The following DLG2 variants were observed in gnomAD, a reference collection of about 807,000 sequenced individuals.
The protein encoded by DLG2 is disks large homolog 2.
Under a neutral mutation model 132.5 loss-of-function variants are expected in DLG2, and 45 were observed. The ratio of observed to expected loss-of-function variants is 0.34; its 90% CI spans 0.27 to 0.44. The LOEUF is 0.44. Among genes scored for constraint, DLG2 ranks in the 20% least tolerant of loss-of-function variants. DLG2 has a pLI of 1.00. For synonymous variants in DLG2, 424 were observed against 419.6 expected (o/e 1.01, Z -0.13); for missense variants, 1,045 against 1,196.9 (o/e 0.87, Z 1.87).
intron 6 of DLG2, among the ~76,000 whole-genome samples, chr11:84,651,357 A>G (rs2099681844): frequency 6.6e-6 from 1 of 152,134 alleles, no homozygotes; most frequent in Admixed American, 6.6e-5. Flanking sequence ...TCCTGTTGTT[A>G]TGTAGTATTT....
At chr11:83,724,276 A>C (rs1365220276) in intron 18 of DLG2, among the ~76,000 whole-genome samples, 5 of 152,158 alleles carry the variant, frequency 3.3e-5, no homozygotes, top group Middle Eastern at 3.2e-3. Flanking sequence ...GTTCTTTCAC[A>C]CACATAAGCC....
At chr11:85,377,076 G>A (rs914996466) in intron 3 of DLG2, among the ~76,000 whole-genome samples, 4 of 152,138 alleles carry the variant, frequency 2.6e-5, no homozygotes, top group African/African-American at 9.7e-5. Context: ...ACATAGCCAA[G>A]GTCATGTAAG....
At chr11:83,640,222 C>T (rs545087628) in intron 18 of DLG2, among the ~76,000 whole-genome samples, 3 of 152,168 alleles carry the variant, frequency 2.0e-5, no homozygotes, top group Non-Finnish European at 4.4e-5. Flanking sequence ...AGACCACCTG[C>T]TGTACACACG....
chr11:83,644,987 T>C (rs1365721704), intron 18 of DLG2, among the ~76,000 whole-genome samples: 1 of 152,122 alleles, frequency 6.6e-6, no homozygotes, highest in Non-Finnish European at 1.5e-5. Context: ...GTCCCCAGTA[T>C]TATGATGGAA....
intron 14 of DLG2, among the ~76,000 whole-genome samples, chr11:83,940,750 G>A (rs949334054): frequency 2.6e-5 from 4 of 152,238 alleles, no homozygotes; most frequent in South Asian, 4.1e-4. Context: ...ATTCAAGTCC[G>A]GCCCTATTCC....
chr11:84,772,671 T>C (rs990067775), intron 6 of DLG2, among the ~76,000 whole-genome samples: 2 of 151,956 alleles, frequency 1.3e-5, no homozygotes, highest in Non-Finnish European at 2.9e-5. Context: ...TACATGGAAA[T>C]TAAACAAGTC....
At chr11:84,882,326 A>G (rs1263857154) in intron 6 of DLG2, among the ~76,000 whole-genome samples, 1 of 150,664 alleles carries the variant, frequency 6.6e-6, no homozygotes, top group African/African-American at 2.4e-5. Flanking sequence ...GGCAAAAAAG[A>G]AAAAAAAATG....
chr11:84,983,131 C>A (rs1185403005), intron 6 of DLG2, among the ~76,000 whole-genome samples: 2 of 152,122 alleles, frequency 1.3e-5, no homozygotes, highest in Non-Finnish European at 2.9e-5. Flanking sequence ...ATGGACAGAG[C>A]AGTGTGTGGA....
At chr11:84,394,877 C>T (rs1396237780) in intron 7 of DLG2, among the ~76,000 whole-genome samples, 2 of 152,176 alleles carry the variant, frequency 1.3e-5, no homozygotes, top group Admixed American at 1.3e-4. Flanking sequence ...ACTTTGGCCT[C>T]CCAAAGTGCT....
intron 18 of DLG2, among the ~76,000 whole-genome samples, chr11:83,671,735 T>C (rs1477523922): frequency 5.9e-5 from 9 of 152,334 alleles, no homozygotes; most frequent in Admixed American, 5.2e-4. Context: ...ATTTCATCCA[T>C]GCCTATGTCA....
intron 6 of DLG2, among the ~76,000 whole-genome samples, chr11:85,020,228 G>C (rs113786600): frequency 6.6e-6 from 1 of 152,142 alleles, no homozygotes. Context: ...GTAATGATGA[G>C]CATTTTTTCA....
At chr11:85,018,331 G>A (rs1377389634) in intron 6 of DLG2, among the ~76,000 whole-genome samples, 3 of 152,010 alleles carry the variant, frequency 2.0e-5, no homozygotes, top group Middle Eastern at 3.2e-3. Context: ...ACTGATAATC[G>A]CAGTCAACAC....
At chr11:84,458,041 T>C (rs1456059518) in intron 7 of DLG2, among the ~76,000 whole-genome samples, 1 of 150,894 alleles carries the variant, frequency 6.6e-6, no homozygotes, top group Non-Finnish European at 1.5e-5. Flanking sequence ...TTGCTTTCTG[T>C]ATACAGGTAC....
chr11:84,479,769 A>T (rs1299022421), intron 7 of DLG2, among the ~76,000 whole-genome samples: 1 of 152,122 alleles, frequency 6.6e-6, no homozygotes, highest in African/African-American at 2.4e-5. Context: ...TTGGAGCTTC[A>T]GTATAATAGG....
chr11:83,683,950 C>T (rs914500093), intron 18 of DLG2, among the ~76,000 whole-genome samples: 2 of 152,094 alleles, frequency 1.3e-5, no homozygotes, highest in South Asian at 2.1e-4. Flanking sequence ...TGCTTTACTT[C>T]CACCATTACT....
intron 16 of DLG2, among the ~76,000 whole-genome samples, chr11:83,873,049 A>C (rs1445678067): frequency 6.6e-6 from 1 of 152,148 alleles, no homozygotes; most frequent in African/African-American, 2.4e-5. Flanking sequence ...ACGATGTCTA[A>C]CTTAGCCTGA....
intron 6 of DLG2, among the ~76,000 whole-genome samples, chr11:84,813,223 G>A (rs2076758334): frequency 6.6e-6 from 1 of 151,956 alleles, no homozygotes; most frequent in Non-Finnish European, 1.5e-5. Flanking sequence ...GGCCTGAGGA[G>A]TGGTCCTGGT....
At chr11:84,951,256 C>CAA (rs1266047514) in intron 6 of DLG2, among the ~76,000 whole-genome samples, 1 of 152,158 alleles carries the variant, frequency 6.6e-6, no homozygotes, top group African/African-American at 2.4e-5. Context: ...CTAATCTTTA[C>CAA]AAGCATCCTA....
At chr11:83,540,805 G>A (rs1019802560) in intron 20 of DLG2, among the ~76,000 whole-genome samples, 7 of 152,170 alleles carry the variant, frequency 4.6e-5, no homozygotes, top group Non-Finnish European at 8.8e-5. Context: ...AGAAAAGCTA[G>A]TGCCTGCTTT....
Sources: allele counts gnomAD v4.1 joint callset (sites outside exome capture counted in the v4.1 genomes callset), GRCh38; gene constraint gnomAD v4.1.1; transcripts MANE v1.5; gene names NCBI Gene and HGNC (gene_info 2026-07-23, HGNC 2026-07-21).